The following APC variants were observed in gnomAD, a reference collection of about 807,000 sequenced individuals.
APC encodes adenomatous polyposis coli protein.
APC carries 72 observed loss-of-function variants against 247.0 expected under a neutral mutation model. The observed-to-expected ratio is 0.29, with a 90% CI of 0.24 to 0.35. The LOEUF (loss-of-function observed/expected upper bound fraction) is 0.35, where lower values mean the gene tolerates loss of function less well. APC is among the 10% of genes least tolerant of loss of function. The probability of loss-of-function intolerance (pLI) is 1.00; values close to 1 mark genes in which losing one functional copy is unlikely to be tolerated. For missense variants in APC, 3,400 were observed against 3,360.7 expected, an observed-to-expected ratio of 1.01 and a Z score of -0.29; for synonymous variants, 1,254 against 1,162.5, an observed-to-expected ratio of 1.08 and a Z score of -1.60.
In APC at chr5:112,766,321, A is replaced by G. The variant is rs1581159924; in HGVS notation, c.136-5A>G. 6.3e-7 allele frequency: 1 copy of G among 1,575,030 alleles called. No individual in the cohort carries two copies. Among genetic ancestry groups the G allele is most frequent in the Non-Finnish European group, 8.7e-7 (1 of 1,144,910 alleles). On this transcript the variant is annotated splice_polypyrimidine_tract_variant and splice_region_variant and intron_variant, in intron 2 of 15. Coordinates refer to ENST00000257430, the MANE Select transcript of APC (RefSeq NM_000038.6). ...CATGTTAATATATTGTGTTCTTTTTAACAGGAAGTACTTAAACAACTACAA... is the reference window on the plus strand; with the variant it reads ...CATGTTAATATATTGTGTTCTTTTTGACAGGAAGTACTTAAACAACTACAA...
chr5:112,807,725 A>G (rs990371927), intron 8 of APC, among the ~76,000 whole-genome samples: 10 of 152,322 alleles, frequency 6.6e-5, no homozygotes, highest in African/African-American at 2.4e-4. Flanking sequence ...TACAAAGACA[A>G]TAATGTAGTG....
At chr5:112,825,981 A>T (rs1380063632) in intron 11 of APC, among the ~76,000 whole-genome samples, 1 of 152,194 alleles carries the variant, frequency 6.6e-6, no homozygotes, top group Non-Finnish European at 1.5e-5. Context: ...AACCAAATTA[A>T]TTTTCACTTA....
At chr5:112,712,135 G>A (rs1442430191) in intron 1 of APC, among the ~76,000 whole-genome samples, 1 of 152,150 alleles carries the variant, frequency 6.6e-6, no homozygotes, top group African/African-American at 2.4e-5. Context: ...TACGGGGAAG[G>A]GGTGGATCCT....
At chr5:112,819,538 GT>G (rs778224287) in intron 10 of APC, among the ~76,000 whole-genome samples, 194 bp downstream of exon 10, 13 of 152,130 alleles carry the variant, frequency 8.5e-5, no homozygotes, top group Non-Finnish European at 1.6e-4. Context: ...AAAATGTTAT[GT>G]GCACTACTAT....
At position 112,820,425 on chromosome 5, in the gene APC, G is replaced by A. The variant is rs73791489; in HGVS notation, c.1312+1081G>A. 8.1e-3 allele frequency among the ~76,000 whole-genome samples: 1,239 copies of A among 152,270 alleles called. 16 individuals carry two copies. The highest frequency in any genetic ancestry group is 0.028 in the African/African-American group (1,159 of 41,536). On this transcript the variant is annotated intron_variant, in intron 10 of 15. Coordinates refer to ENST00000257430, the MANE Select transcript of APC (RefSeq NM_000038.6). ...AGCACTTTGGGAGGCTGAGACAGGA[G>A]GATTGCTTAAGCCCAGGAGTTAAAG...
intron 2 of APC, among the ~76,000 whole-genome samples, chr5:112,763,173 A>G (rs1430321584): frequency 3.9e-5 from 6 of 152,184 alleles, no homozygotes; most frequent in African/African-American, 1.4e-4. Context: ...ATAGAACTTT[A>G]TTACAAGTTG....
intron 1 of APC, among the ~76,000 whole-genome samples, chr5:112,714,647 T>G (rs1051400448): frequency 2.6e-5 from 4 of 152,228 alleles, no homozygotes; most frequent in African/African-American, 9.6e-5. Flanking sequence ...TCACGTATAG[T>G]AAAATGAAAA....
At chr5:112,827,002 T>C in intron 11 of APC, 106 bp from the exon 12 acceptor site, 1 of 1,092,400 alleles carries the variant, frequency 9.2e-7, no homozygotes, top group Non-Finnish European at 1.4e-6. Context: ...AAACCATATA[T>C]TCTCATTGAT....
At chr5:112,833,252 G>A (rs539489524) in intron 14 of APC, among the ~76,000 whole-genome samples, 3 of 148,984 alleles carry the variant, frequency 2.0e-5, no homozygotes, top group Non-Finnish European at 3.0e-5. Context: ...GCGCAATCTC[G>A]GCTCACTGCA....
chr5:112,717,784 T>G (rs1020079072), intron 1 of APC, among the ~76,000 whole-genome samples: 1 of 152,086 alleles, frequency 6.6e-6, no homozygotes, highest in Non-Finnish European at 1.5e-5. Flanking sequence ...GGAAGTTTCT[T>G]AGCCATTATT....
At chr5:112,819,498 C>G (rs890377489) in intron 10 of APC, among the ~76,000 whole-genome samples, 154 bp downstream of exon 10, 3 of 152,184 alleles carry the variant, frequency 2.0e-5, no homozygotes, top group Non-Finnish European at 2.9e-5. Flanking sequence ...AAGATTAAGT[C>G]TGTATTTCCC....
At chr5:112,721,307 G>C (rs1291106808) in intron 1 of APC, among the ~76,000 whole-genome samples, 1 of 152,016 alleles carries the variant, frequency 6.6e-6, no homozygotes, top group Admixed American at 6.6e-5. Flanking sequence ...CCAGCTACTC[G>C]AGAGGCTGAG....
rs184029818 is a variant in APC, at chr5:112,787,724, C to T, written c.646-4722C>T. On this transcript the variant is annotated intron_variant, in intron 6 of 15. Transcript: ENST00000257430. ...TAGATAATATACATCTCAATTCCTC[C>T]CCACCAAATCTGTTATCTGTATTAG... Among the ~76,000 whole-genome samples the T allele has an allele frequency of 5.6e-3, 847 of 152,174 alleles. 2 individuals are homozygous for T. Among genetic ancestry groups the T allele is most frequent in the Non-Finnish European group, 8.2e-3 (555 of 67,996 alleles).
At chr5:112,776,862 TAAAA>T (rs199876543) in intron 5 of APC, among the ~76,000 whole-genome samples, 3 of 146,026 alleles carry the variant, frequency 2.1e-5, no homozygotes, top group African/African-American at 7.5e-5. Flanking sequence ...AAAGAAAAAA[TAAAA>T]AAAAAAATAA....
chr5:112,731,025 A>G lies in APC; in HGVS notation c.165+23143A>G, dbSNP rs555349726. ...TAGTTTATATCATATTAAACAGACA[A>G]TATTCTGCATTTTCACATAATATAT... On this transcript the variant is annotated intron_variant, in intron 1 of 13. Coordinates refer to the APC transcript ENST00000507379. Among the ~76,000 whole-genome samples the G allele has an allele frequency of 9.3e-4, 142 of 152,088 alleles. 1 individual carries two copies. In the South Asian group the frequency reaches 0.014, roughly 15 times the overall value.
intron 2 of APC, among the ~76,000 whole-genome samples, chr5:112,765,735 T>C (rs1056738861): frequency 6.6e-6 from 1 of 152,084 alleles, no homozygotes; most frequent in African/African-American, 2.4e-5. Context: ...TCCAACATTC[T>C]TTGAGAAAAA....
rs1064795228 is a variant in APC at position 112,839,048 on chromosome 5, C to T, written c.3454C>T (p.Gln1152Ter). The T allele has an allele frequency of 6.2e-7, 1 of 1,614,000 alleles. No individual in the cohort carries two copies. Among genetic ancestry groups the T allele is most frequent in the Non-Finnish European group, 8.5e-7 (1 of 1,180,008 alleles). Residue 1152 changes from glutamine to a stop codon, truncating the protein, a stop_gained, in exon 16 of 16, where the codon CAG becomes TAG. Coordinates refer to ENST00000257430, the MANE Select transcript of APC (RefSeq NM_000038.6). LOFTEE classifies it high-confidence loss of function. The surrounding 1 kb of genome is among the most constrained non-coding windows in gnomAD (Gnocchi z 5.0). ...NYSERYSEEE[Q>*]HEEEERPTNY... ...TAGTGAACGTTACTCTGAAGAAGAACAGCATGAAGAAGAAGAGAGACCAAC... is the reference window on the plus strand; with the variant it reads ...TAGTGAACGTTACTCTGAAGAAGAATAGCATGAAGAAGAAGAGAGACCAAC...
chr5:112,789,950 C>G (rs1401556633), intron 6 of APC, among the ~76,000 whole-genome samples: 3 of 152,020 alleles, frequency 2.0e-5, no homozygotes, highest in Non-Finnish European at 4.4e-5. Context: ...ACCTCCGCCT[C>G]CCAGGCTCAA....
intron 2 of APC, among the ~76,000 whole-genome samples, chr5:112,757,115 G>T (rs1461578016): frequency 2.0e-5 from 3 of 152,076 alleles, no homozygotes; most frequent in Non-Finnish European, 4.4e-5. Flanking sequence ...ATTTTACTCA[G>T]CATGTGCTTC....
Sources: gnomAD v4.1 joint callset for allele counts (sites outside exome capture counted in the v4.1 genomes callset) on GRCh38, gnomAD v4.1.1 for gene constraint, Gnocchi (gnomAD v3.1) non-coding constraint, MANE v1.5 for transcripts, NCBI Gene and HGNC (gene_info 2026-07-23, HGNC 2026-07-21) for gene names.